NALCN: variants seen among roughly 807,000 people sequenced by gnomAD.
NALCN encodes sodium leak channel NALCN.
NALCN carries 111 observed loss-of-function variants against 225.3 expected under a neutral mutation model. That is an observed-to-expected ratio of 0.49 (90% CI 0.42 to 0.58). The LOEUF (loss-of-function observed/expected upper bound fraction) is 0.58, where lower values mean the gene tolerates loss of function less well. NALCN is among the 20% of genes least tolerant of loss of function. The pLI is 0.00. For synonymous variants in NALCN, 764 were observed against 769.0 expected, an observed-to-expected ratio of 0.99 and a Z score of 0.11; for missense variants, 1,378 against 2,202.4, an observed-to-expected ratio of 0.63 and a Z score of 7.49.
chr13:101,333,493 C>T (rs765263579), intron 7 of NALCN, among the ~76,000 whole-genome samples: 13 of 152,170 alleles, frequency 8.5e-5, no homozygotes, highest in Non-Finnish European at 1.8e-4. Context: ...AGTGACTCCT[C>T]GGGATGACCA....
chr13:101,144,215 T>C (rs1289340899), intron 16 of NALCN, among the ~76,000 whole-genome samples: 1 of 152,170 alleles, frequency 6.6e-6, no homozygotes, highest in Non-Finnish European at 1.5e-5. Flanking sequence ...GCAAACGTGG[T>C]AGAAAATCAA....
chr13:101,117,870 G>A (rs536175886), intron 18 of NALCN, among the ~76,000 whole-genome samples: 1 of 152,256 alleles, frequency 6.6e-6, no homozygotes. Context: ...ATTTCTATGT[G>A]CATTTCTATG....
At chr13:101,252,073 T>C (rs2140194594) in intron 11 of NALCN, among the ~76,000 whole-genome samples, 1 of 152,336 alleles carries the variant, frequency 6.6e-6, no homozygotes, top group Non-Finnish European at 1.5e-5. Context: ...ATAAATCATG[T>C]TATTGCCACA....
At chr13:101,362,108 T>C (rs1448370701) in intron 6 of NALCN, among the ~76,000 whole-genome samples, 3 of 151,948 alleles carry the variant, frequency 2.0e-5, no homozygotes, top group African/African-American at 7.2e-5. Context: ...GATATATAGA[T>C]AGTACTAAAA....
chr13:101,288,763 G>A (rs576088879), intron 9 of NALCN, among the ~76,000 whole-genome samples: 4 of 152,308 alleles, frequency 2.6e-5, no homozygotes, highest in Middle Eastern at 3.4e-3. Flanking sequence ...ATAAAAGTTA[G>A]ATATGTATTG....
intron 7 of NALCN, among the ~76,000 whole-genome samples, chr13:101,310,949 G>A (rs1044759143): frequency 2.0e-5 from 3 of 152,018 alleles, no homozygotes; most frequent in South Asian, 2.1e-4. Flanking sequence ...ATTACCATGG[G>A]CAGTGTGGCC....
chr13:101,176,901 G>GTGTA (rs1484679627), intron 14 of NALCN, among the ~76,000 whole-genome samples: 2 of 152,196 alleles, frequency 1.3e-5, no homozygotes, highest in African/African-American at 4.8e-5. Flanking sequence ...TCATGCCTTT[G>GTGTA]TGTAGTTCCC....
intron 7 of NALCN, among the ~76,000 whole-genome samples, chr13:101,305,149 T>G (rs1157461703): frequency 6.6e-6 from 1 of 152,190 alleles, no homozygotes; most frequent in Non-Finnish European, 1.5e-5. Context: ...ACCTCTGTAC[T>G]AGATTCATTC....
At chr13:101,083,489 T>C (rs2033769016) in intron 31 of NALCN, among the ~76,000 whole-genome samples, 1 of 152,216 alleles carries the variant, frequency 6.6e-6, no homozygotes, top group Non-Finnish European at 1.5e-5. Context: ...TAAAAATTCA[T>C]TTTTTCATTA....
intron 39 of NALCN, among the ~76,000 whole-genome samples, chr13:101,067,352 G>A (rs2032505088): frequency 6.6e-6 from 1 of 150,676 alleles, no homozygotes; most frequent in Non-Finnish European, 1.5e-5. Context: ...GGGTAGAGGA[G>A]GAGGAGTAGG....
At chr13:101,288,349 A>G (rs547701354) in intron 9 of NALCN, among the ~76,000 whole-genome samples, 4 of 152,228 alleles carry the variant, frequency 2.6e-5, no homozygotes, top group Admixed American at 6.5e-5. Flanking sequence ...CATTTTTGCT[A>G]AAGTATTTTC....
intron 26 of NALCN, 53 bp from the exon 27 acceptor site, chr13:101,100,941 T>C: frequency 1.4e-6 from 2 of 1,476,838 alleles, no homozygotes; most frequent in Non-Finnish European, 1.9e-6. Flanking sequence ...AAATATTAGG[T>C]TTGGTTTAAA....
chr13:101,160,201 G>A (rs549354254), intron 15 of NALCN, among the ~76,000 whole-genome samples: 121 of 152,224 alleles, frequency 7.9e-4, no homozygotes, highest in East Asian at 1.7e-3. Context: ...TGATCTGCCC[G>A]CCTTGGCCTC....
chr13:101,116,382 CTA>C, intron 18 of NALCN: 1 of 305,348 alleles, frequency 3.3e-6, no homozygotes, highest in Non-Finnish European at 6.5e-6. Context: ...GAAATTGTCT[CTA>C]TTTTTCTTGA....
intron 30 of NALCN, among the ~76,000 whole-genome samples, chr13:101,085,883 T>G (rs1046460167): frequency 6.6e-6 from 1 of 152,142 alleles, no homozygotes; most frequent in Non-Finnish European, 1.5e-5. Context: ...CAATCAATAC[T>G]CCCAACACCA....
At chr13:101,110,791 G>T in intron 19 of NALCN, 103 bp from the exon 20 acceptor site, 1 of 1,082,134 alleles carries the variant, frequency 9.2e-7, no homozygotes. Context: ...CTGCTACAAC[G>T]CCACAAATGC....
intron 17 of NALCN, among the ~76,000 whole-genome samples, chr13:101,129,143 T>C (rs1021292489): frequency 6.6e-6 from 1 of 152,208 alleles, no homozygotes; most frequent in Admixed American, 6.5e-5. Flanking sequence ...CATTTATTAG[T>C]TGGGATAGTT....
intron 15 of NALCN, among the ~76,000 whole-genome samples, chr13:101,147,978 C>G (rs1540512): frequency 0.75 from 113,701 of 151,920 alleles, 42,922 homozygotes; most frequent in East Asian, 0.96. Flanking sequence ...AAATTCCTCA[C>G]AGAAGCTTTC....
At chr13:101,360,799 TA>T (rs1164655413) in intron 6 of NALCN, among the ~76,000 whole-genome samples, 4 of 152,176 alleles carry the variant, frequency 2.6e-5, no homozygotes, top group Non-Finnish European at 5.9e-5. Flanking sequence ...CAGGAGGCTC[TA>T]ATTACCTCTG....
Sources: allele counts gnomAD v4.1 joint callset (sites outside exome capture counted in the v4.1 genomes callset), GRCh38; gene constraint gnomAD v4.1.1; transcripts MANE v1.5; gene names NCBI Gene and HGNC (gene_info 2026-07-23, HGNC 2026-07-21).